SLC28A1: variants seen among roughly 807,000 people sequenced by gnomAD.
SLC28A1 encodes solute carrier family 28 member 1, also known as sodium/nucleoside cotransporter 1.
In SLC28A1, 64 loss-of-function variants were observed where a neutral mutation model predicts 74.8. The ratio of observed to expected loss-of-function variants is 0.86; its 90% CI spans 0.70 to 1.05. SLC28A1 has a LOEUF of 1.05. Ranked by LOEUF, SLC28A1 falls within the 50% of genes least tolerant of loss-of-function variation. The pLI is 0.00. For missense variants in SLC28A1, 828 were observed against 822.8 expected (o/e 1.01, Z -0.08); for synonymous variants, 359 against 335.0 (o/e 1.07, Z -0.78).
intron 8 of SLC28A1, among the ~76,000 whole-genome samples, chr15:84,906,453 G>A (rs1051174263): frequency 2.0e-5 from 3 of 151,446 alleles, no homozygotes; most frequent in Admixed American, 2.0e-4. Context: ...GTATTGAGTA[G>A]CTGGGACTAC....
intron 1 of SLC28A1, among the ~76,000 whole-genome samples, 169 bp downstream of exon 1, chr15:84,884,920 C>T (rs1207267268): frequency 6.6e-6 from 1 of 152,104 alleles, no homozygotes; most frequent in Non-Finnish European, 1.5e-5. Flanking sequence ...TGGTGGCCAC[C>T]CATGGAGACA....
At chr15:84,922,347 C>T (rs1282840108) in intron 11 of SLC28A1, among the ~76,000 whole-genome samples, 1 of 152,132 alleles carries the variant, frequency 6.6e-6, no homozygotes. Context: ...TTGCTCCCCT[C>T]CCTCATCACC....
chr15:84,950,861 T>A, the SLC28A1 span, among the ~76,000 whole-genome samples: 2 of 152,036 alleles, frequency 1.3e-5, no homozygotes, highest in Non-Finnish European at 2.9e-5. Flanking sequence ...AGATAGTAAA[T>A]ATTTCAGCTT....
rs1964895843 is a variant in SLC28A1, at chr15:84,888,664, C to T, written c.97-108C>T. The T allele has an allele frequency of 4.3e-5, 32 of 748,252 alleles. No individual in the cohort carries two copies. The South Asian group carries it at 4.4e-4, about 10-fold the overall frequency. 46.4% of individuals were successfully genotyped at this position (748,252 alleles called of 1,614,324 possible). A position where few individuals can be genotyped will look rare whatever the true frequency, so the allele number is the denominator to read the frequency against. ...TTCTAATTCCTCCCTGTGCCCCAGC[C>T]CAGTCCCCTCCTCAGCCAGGGTCTC... On this transcript the variant is annotated intron_variant, in intron 3 of 18. Transcript: ENST00000394573.
intron 9 of SLC28A1, among the ~76,000 whole-genome samples, chr15:84,911,168 T>C (rs1409207408): frequency 6.6e-6 from 1 of 151,824 alleles, no homozygotes; most frequent in African/African-American, 2.4e-5. Context: ...TCCTGCGTCA[T>C]TGCTGGGCTT....
At chr15:84,927,473 G>A (rs930344780) in intron 12 of SLC28A1, among the ~76,000 whole-genome samples, 1 of 152,172 alleles carries the variant, frequency 6.6e-6, no homozygotes, top group African/African-American at 2.4e-5. Flanking sequence ...AGCAAAGCCT[G>A]TCTGTGTAGA....
the SLC28A1 span, among the ~76,000 whole-genome samples, chr15:84,968,581 C>T: frequency 0.26 from 38,819 of 152,152 alleles, 5,997 homozygotes; most frequent in Non-Finnish European, 0.34. Context: ...CACATGCTGT[C>T]ACTTCTGCAG....
chr15:84,895,415 T>C lies in SLC28A1; in HGVS notation c.461+292T>C, dbSNP rs749783256. Reference sequence around the variant, plus strand: ...ATGGAGCAAGGAGGGCCCGAATCAGTACCTCCCTCAGATCACCTGGACAGT... The same window carrying C: ...ATGGAGCAAGGAGGGCCCGAATCAGCACCTCCCTCAGATCACCTGGACAGT... On this transcript the variant is annotated intron_variant, in intron 6 of 18. Transcript: ENST00000394573. 8.1e-6 allele frequency: 13 copies of C among 1,613,924 alleles called. No homozygotes were observed. The Admixed American group carries it at 1.3e-4, about 17-fold the overall frequency.
At chr15:84,917,447 G>A (rs1969272117) in intron 9 of SLC28A1, among the ~76,000 whole-genome samples, 1 of 151,860 alleles carries the variant, frequency 6.6e-6, no homozygotes, top group African/African-American at 2.4e-5. Context: ...TCACACACAT[G>A]CTTTTGGAGA....
chr15:84,908,370 T>G (rs1268346443), intron 8 of SLC28A1, among the ~76,000 whole-genome samples: 1 of 151,802 alleles, frequency 6.6e-6, no homozygotes, highest in African/African-American at 2.4e-5. Flanking sequence ...TTTTAGCAGA[T>G]ATGGGGTTTC....
intron 12 of SLC28A1, among the ~76,000 whole-genome samples, chr15:84,931,734 T>TGGC (rs1971326758): frequency 7.2e-6 from 1 of 139,150 alleles, no homozygotes; most frequent in Non-Finnish European, 1.5e-5. Flanking sequence ...CCGGGGATGG[T>TGGC]GGCTCATGCC....
intron 12 of SLC28A1, among the ~76,000 whole-genome samples, chr15:84,928,447 A>G (rs1360902565): frequency 1.3e-5 from 2 of 151,414 alleles, no homozygotes; most frequent in African/African-American, 4.9e-5. Context: ...TCAGTTCCTC[A>G]GTATCTTTGG....
chr15:84,899,962 AGG>A (rs1418582236), intron 6 of SLC28A1, among the ~76,000 whole-genome samples: 15,218 of 143,810 alleles, frequency 0.11, 926 homozygotes, highest in Non-Finnish European at 0.14. Context: ...GAAGGAAGGA[AGG>A]AAAGAAGGAA....
chr15:84,900,741 C>T (rs980490306), intron 6 of SLC28A1, among the ~76,000 whole-genome samples: 2 of 151,904 alleles, frequency 1.3e-5, no homozygotes, highest in Non-Finnish European at 2.9e-5. Context: ...AAGGTCGAGA[C>T]TGCAGTGAGC....
chr15:84,936,423 A>C lies in SLC28A1; in HGVS notation c.1581+905A>C, dbSNP rs145334311. Among the ~76,000 whole-genome samples, 1,477 of 151,860 alleles carry C rather than the reference A, an allele frequency of 9.7e-3. 23 individuals carry two copies. Among genetic ancestry groups the C allele is most frequent in the African/African-American group, 0.034 (1,401 of 41,376 alleles). On this transcript the variant is annotated intron_variant, in intron 15 of 18. Transcript: ENST00000394573. ...CAGATGCCTGCCACCACGCTCAGCT[A>C]ATTTTTGGATTTTTAGTAGAGACGG...
chr15:84,923,566 G>A (rs368785571), intron 11 of SLC28A1, among the ~76,000 whole-genome samples: 15 of 152,130 alleles, frequency 9.9e-5, no homozygotes, highest in African/African-American at 3.4e-4. Context: ...TTTGGCCACC[G>A]CTGTGGCTGC....
rs1567195627 is a variant in SLC28A1 at position 84,945,671 on chromosome 15, G to A, written c.*471G>A. The A allele has an allele frequency of 1.3e-5, 3 of 239,196 alleles. No individual in the cohort carries two copies. Among genetic ancestry groups the A allele is most frequent in the African/African-American group, 4.5e-5 (2 of 44,698 alleles). 14.8% of individuals were successfully genotyped at this position (239,196 alleles called of 1,614,324 possible). A position where few individuals can be genotyped will look rare whatever the true frequency, so the allele number is the denominator to read the frequency against. On this transcript the variant is annotated 3_prime_UTR_variant, in exon 19 of 19. Coordinates refer to ENST00000394573, the MANE Select transcript of SLC28A1 (RefSeq NM_004213.5). ...CTCTGCTTTCAGAGAAACCCTTCCC[G>A]CCTTTCCTCAGAGTGCTTCCCAAAC...
At chr15:84,885,993 A>G (rs2141603994) in intron 1 of SLC28A1, 1 of 275,056 alleles carries the variant, frequency 3.6e-6, no homozygotes, top group African/African-American at 2.3e-5. Flanking sequence ...GTATTTATGC[A>G]TCATAGAGGA....
rs754164862 is a variant in SLC28A1 at position 84,933,222 on chromosome 15, G to A, written c.1161G>A (p.Pro387=). The change falls in exon 13 of 19, where the codon CCG becomes CCA. Residue 387 remains proline, a synonymous_variant. Transcript: ENST00000394573. Reference sequence around the variant, plus strand: ...TGGCCCTCTCCAAGCTGGTCTACCCGGAGGTGGAGGAGTCCAAGTTTAGGA... The same window carrying A: ...TGGCCCTCTCCAAGCTGGTCTACCCAGAGGTGGAGGAGTCCAAGTTTAGGA... ...CALALSKLVY[P]EVEESKFRRE... 41 of 1,613,714 alleles carry A rather than the reference G, an allele frequency of 2.5e-5. No individual in the cohort carries two copies. Among genetic ancestry groups the A allele is most frequent in the Non-Finnish European group, 3.0e-5 (35 of 1,179,882 alleles).
Sources: allele counts gnomAD v4.1 joint callset (sites outside exome capture counted in the v4.1 genomes callset), GRCh38; gene constraint gnomAD v4.1.1; transcripts MANE v1.5; gene names NCBI Gene and HGNC (gene_info 2026-07-23, HGNC 2026-07-21).